SCD5: variants seen among roughly 807,000 people sequenced by gnomAD.
The protein encoded by SCD5 is stearoyl-CoA desaturase 5, also known as acyl-CoA-desaturase 4.
In SCD5, 20 loss-of-function variants were observed where a neutral mutation model predicts 30.4. The observed-to-expected ratio is 0.66, with a 90% confidence interval of 0.46 to 0.96. SCD5 has a LOEUF of 0.96. Ranked by LOEUF, SCD5 falls within the 40% of genes least tolerant of loss-of-function variation. The pLI is 0.00. For synonymous variants in SCD5, 173 were observed against 176.4 expected, an observed-to-expected ratio of 0.98 and a Z score of 0.16; for missense variants, 381 against 443.3, an observed-to-expected ratio of 0.86 and a Z score of 1.26.
In SCD5 at chr4:82,660,704, C is replaced by T. The variant is rs148738185; in HGVS notation, c.569+20003G>A. On this transcript the variant is annotated intron_variant, in intron 3 of 4. Coordinates refer to ENST00000319540, the MANE Select transcript of SCD5 (RefSeq NM_001037582.3). ...ATTTTAGGACCATATTTTACCTCCC[C>T]GTAGCTGCCTCCTTGTGTCAACTGA... 1.2e-4 allele frequency: 177 copies of T among 1,437,750 alleles called. 1 individual carries two copies. In the East Asian group the frequency reaches 3.6e-3, roughly 29 times the overall value. 89.1% of individuals were successfully genotyped at this position (1,437,750 alleles called of 1,614,324 possible). A position where few individuals can be genotyped will look rare whatever the true frequency, so the allele number is the denominator to read the frequency against.
At chr4:82,770,118 T>C (rs1367723803) in intron 1 of SCD5, among the ~76,000 whole-genome samples, 2 of 152,138 alleles carry the variant, frequency 1.3e-5, no homozygotes, top group Non-Finnish European at 2.9e-5. Context: ...ATGTGCCATG[T>C]TGGTGTGCTG....
intron 1 of SCD5, among the ~76,000 whole-genome samples, chr4:82,797,065 C>G (rs1175188740): frequency 1.3e-5 from 2 of 152,138 alleles, no homozygotes; most frequent in African/African-American, 4.8e-5. Flanking sequence ...GTACCCACTT[C>G]TGGATGGGTT....
At chr4:82,688,441 TTATCTC>T (rs1477002197) in intron 2 of SCD5, among the ~76,000 whole-genome samples, 7 of 152,134 alleles carry the variant, frequency 4.6e-5, no homozygotes, top group African/African-American at 1.4e-4. Context: ...GAGATAGACT[TTATCTC>T]TGTCTCTGGG....
intron 3 of SCD5, among the ~76,000 whole-genome samples, chr4:82,645,329 C>G (rs955769807): frequency 7.0e-5 from 10 of 142,016 alleles, no homozygotes; most frequent in African/African-American, 2.6e-4. Flanking sequence ...AAAAAAAAGG[C>G]AAAAGAAAGA....
chr4:82,761,219 T>C (rs567979410), intron 1 of SCD5, among the ~76,000 whole-genome samples: 32 of 152,304 alleles, frequency 2.1e-4, no homozygotes, highest in African/African-American at 7.7e-4. Flanking sequence ...CTGCCACTAT[T>C]CTCATACAAA....
At chr4:82,643,636 G>C (rs1012723211) in intron 3 of SCD5, among the ~76,000 whole-genome samples, 1 of 152,140 alleles carries the variant, frequency 6.6e-6, no homozygotes, top group Non-Finnish European at 1.5e-5. Context: ...TCTGTATAGT[G>C]GTGATGGTTA....
chr4:82,709,134 A>T (rs1720027933), intron 1 of SCD5, among the ~76,000 whole-genome samples: 1 of 152,208 alleles, frequency 6.6e-6, no homozygotes, highest in Non-Finnish European at 1.5e-5. Flanking sequence ...CTGGAAGCAG[A>T]GTTCATTCTA....
chr4:82,636,902 C>A lies in SCD5; in HGVS notation c.570-79G>T. On this transcript the variant is annotated intron_variant, in intron 3 of 4. Coordinates refer to ENST00000319540, the MANE Select transcript of SCD5 (RefSeq NM_001037582.3). ...GGGCTGAGCAAGTCACAGGAAAAGT[C>A]AGAAAAAAGCCCAGGGAGAGAACTG... is the stretch of plus-strand genomic sequence containing the variant. 5 of 1,222,730 alleles carry A rather than the reference C, an allele frequency of 4.1e-6. No individual in the cohort carries two copies. In the Admixed American group the frequency reaches 7.6e-5, roughly 19 times the overall value. The allele number at this position is 1,222,730 out of a possible 1,614,324, so 75.7% of individuals were successfully genotyped here. A position where few individuals can be genotyped will look rare whatever the true frequency, so the allele number is the denominator to read the frequency against.
intron 1 of SCD5, among the ~76,000 whole-genome samples, chr4:82,737,956 T>TA (rs35386827): frequency 0.54 from 78,978 of 147,202 alleles, 24,453 homozygotes; most frequent in Non-Finnish European, 0.7. Flanking sequence ...TCTAATTAGC[T>TA]AAAAAAAAAA....
At position 82,712,256 on chromosome 4, in the gene SCD5, A is replaced by G. The variant is rs1315862767; in HGVS notation, c.233-6843T>C. Reference sequence around the variant, plus strand: ...GGGACCAACTAACATATATATATATATATATATATATATATATATATATAT... The same window carrying G: ...GGGACCAACTAACATATATATATATGTATATATATATATATATATATATAT... On this transcript the variant is annotated intron_variant, in intron 1 of 4. Coordinates refer to ENST00000319540, the MANE Select transcript of SCD5 (RefSeq NM_001037582.3). Among the ~76,000 whole-genome samples the G allele has an allele frequency of 5.0e-4, 15 of 29,758 alleles. 1 individual carries two copies. Among genetic ancestry groups the G allele is most frequent in the African/African-American group, 3.2e-3 (15 of 4,714 alleles). 19.5% of individuals were successfully genotyped at this position (29,758 alleles called of 152,430 possible).
chr4:82,665,073 TATA>T (rs746647138), intron 3 of SCD5, among the ~76,000 whole-genome samples: 3,030 of 19,656 alleles, frequency 0.15, 68 homozygotes, highest in East Asian at 0.46. Context: ...TATATATATA[TATA>T]TTTTTTTTTT....
intron 3 of SCD5, among the ~76,000 whole-genome samples, chr4:82,641,894 C>T (rs183494246): frequency 2.6e-5 from 4 of 152,042 alleles, no homozygotes; most frequent in Middle Eastern, 3.4e-3. Flanking sequence ...GATTAAGATG[C>T]CCTAAGCCGA....
chr4:82,790,596 G>A (rs371524752), intron 1 of SCD5, among the ~76,000 whole-genome samples: 2 of 152,072 alleles, frequency 1.3e-5, no homozygotes, highest in Non-Finnish European at 2.9e-5. Flanking sequence ...ACTGATTCTC[G>A]GTCCCATGGC....
Position 82,630,780 on chromosome 4 carries a change from T to C in SCD5, c.*547A>G, listed in dbSNP as rs1262502961. On this transcript the variant is annotated 3_prime_UTR_variant, in exon 5 of 5. Coordinates refer to ENST00000319540, the MANE Select transcript of SCD5 (RefSeq NM_001037582.3). ...GAGATCTCGCCACTGCACTCCAGCC[T>C]GGGGGACAGAGCGAGCCTCCGTCTC... 1 of 151,288 alleles carries C rather than the reference T, an allele frequency of 6.6e-6. No individual in the cohort carries two copies. Among genetic ancestry groups the C allele is most frequent in the Non-Finnish European group, 1.5e-5 (1 of 67,914 alleles). The allele number at this position is 151,288 out of a possible 1,614,324, so 9.4% of individuals were successfully genotyped here. A position where few individuals can be genotyped will look rare whatever the true frequency, so the allele number is the denominator to read the frequency against.
At chr4:82,713,979 G>A (rs772096512) in intron 1 of SCD5, among the ~76,000 whole-genome samples, 83 of 152,158 alleles carry the variant, frequency 5.5e-4, no homozygotes, top group African/African-American at 1.6e-3. Flanking sequence ...CTCTATGATC[G>A]CTACATGACT....
intron 1 of SCD5, among the ~76,000 whole-genome samples, chr4:82,778,867 T>A (rs1192362947): frequency 2.7e-5 from 4 of 149,020 alleles, no homozygotes; most frequent in African/African-American, 1.0e-4. Flanking sequence ...AACTAGCTAA[T>A]CTTTTTTTTT....
intron 1 of SCD5, among the ~76,000 whole-genome samples, chr4:82,715,577 T>C (rs545620294): frequency 6.6e-6 from 1 of 151,860 alleles, no homozygotes; most frequent in Non-Finnish European, 1.5e-5. Context: ...GGCGCCAGGC[T>C]ACCTGTATCA....
chr4:82,760,152 C>A (rs79301193), intron 1 of SCD5, among the ~76,000 whole-genome samples: 1 of 152,162 alleles, frequency 6.6e-6, no homozygotes. Context: ...AGAAACCCCA[C>A]GCCTCCTTTG....
In SCD5 at chr4:82,667,284, A is replaced by ACGCACG. The variant is rs1553915103; in HGVS notation, c.569+13422_569+13423insCGTGCG. Among the ~76,000 whole-genome samples the ACGCACG allele has an allele frequency of 5.2e-3, 782 of 150,604 alleles. 1 individual carries two copies. Among genetic ancestry groups the ACGCACG allele is most frequent in the African/African-American group, 0.014 (568 of 40,890 alleles). On this transcript the variant is annotated intron_variant, in intron 3 of 4. Coordinates refer to ENST00000319540, the MANE Select transcript of SCD5 (RefSeq NM_001037582.3). Reference sequence around the variant, plus strand: ...TGTATTTTTATACACACACACACACACACGCACGCACGCACGCATGCAAAT... The same window carrying ACGCACG: ...TGTATTTTTATACACACACACACACACGCACGCACGCACGCACGCACGCATGCAAAT...
Sources: allele counts gnomAD v4.1 joint callset (sites outside exome capture counted in the v4.1 genomes callset), GRCh38; gene constraint gnomAD v4.1.1; transcripts MANE v1.5; gene names NCBI Gene and HGNC (gene_info 2026-07-23, HGNC 2026-07-21).